The following RNF130 variants were observed in gnomAD, a reference collection of about 807,000 sequenced individuals.
RNF130 encodes the protein ring finger protein 130, also known as E3 ubiquitin-protein ligase RNF130.
A neutral mutation model predicts 44.6 loss-of-function variants in RNF130; 21 were observed. That is an observed-to-expected ratio of 0.47 (90% CI 0.33 to 0.68). The LOEUF (loss-of-function observed/expected upper bound fraction) is 0.68, where lower values mean the gene tolerates loss of function less well. RNF130 is among the 30% of genes least tolerant of loss of function. The pLI, the probability that RNF130 is intolerant of heterozygous loss-of-function variation, is 0.02. For synonymous variants in RNF130, 214 were observed against 210.4 expected, an observed-to-expected ratio of 1.02 and a Z score of -0.15; for missense variants, 479 against 560.6, an observed-to-expected ratio of 0.85 and a Z score of 1.47.
At chr5:180,055,759 C>T (rs541164531) in intron 1 of RNF130, among the ~76,000 whole-genome samples, 1 of 152,276 alleles carries the variant, frequency 6.6e-6, no homozygotes, top group South Asian at 2.1e-4. Flanking sequence ...ATACTTCTCT[C>T]TTTTTAGCTA....
chr5:179,922,924 A>T (rs934588032), intron 7 of RNF130, among the ~76,000 whole-genome samples: 16 of 152,200 alleles, frequency 1.1e-4, no homozygotes, highest in Non-Finnish European at 1.3e-4. Flanking sequence ...ACAGAAAAAA[A>T]AATAATAATA....
intron 3 of RNF130, among the ~76,000 whole-genome samples, chr5:180,006,196 C>T (rs1178155364): frequency 6.6e-6 from 1 of 151,996 alleles, no homozygotes; most frequent in African/African-American, 2.4e-5. Context: ...ACTCTGCCAT[C>T]TAAAATGACA....
At chr5:180,017,264 T>C (rs990529181) in intron 2 of RNF130, among the ~76,000 whole-genome samples, 1 of 152,222 alleles carries the variant, frequency 6.6e-6, no homozygotes, top group Non-Finnish European at 1.5e-5. Flanking sequence ...CACAAGGTGA[T>C]GGCGTGTCCC....
exon 8 of RNF130, chr5:179,918,421 G>A (rs186011096): frequency 4.3e-4 from 65 of 152,290 alleles, no homozygotes; most frequent in African/African-American, 1.4e-3. Context: ...CAGGATCTGC[G>A]TTTTGGTTTG....
chr5:180,046,790 C>T (rs1351653588), intron 1 of RNF130, among the ~76,000 whole-genome samples: 1 of 152,178 alleles, frequency 6.6e-6, no homozygotes, highest in African/African-American at 2.4e-5. Context: ...TTTCAAGTTG[C>T]CATGGCACCC....
At chr5:180,046,355 G>A (rs532896682) in intron 1 of RNF130, among the ~76,000 whole-genome samples, 4 of 152,260 alleles carry the variant, frequency 2.6e-5, no homozygotes, top group Middle Eastern at 3.4e-3. Flanking sequence ...AGGAGGCACC[G>A]AGAGCGAGCA....
intron 2 of RNF130, among the ~76,000 whole-genome samples, chr5:180,019,687 T>C (rs908224355): frequency 3.3e-5 from 5 of 152,224 alleles, no homozygotes; most frequent in African/African-American, 1.2e-4. Context: ...GAAATGAATA[T>C]AGCAATAATT....
chr5:180,062,641 G>A (rs2113184320), intron 1 of RNF130, among the ~76,000 whole-genome samples: 2 of 152,318 alleles, frequency 1.3e-5, no homozygotes, highest in Middle Eastern at 6.8e-3. Flanking sequence ...ACTTGAATCA[G>A]ACAAGGAAAG....
intron 2 of RNF130, among the ~76,000 whole-genome samples, chr5:180,020,329 G>C (rs899847790): frequency 6.6e-6 from 1 of 152,168 alleles, no homozygotes; most frequent in Non-Finnish European, 1.5e-5. Context: ...ACTACGGAGA[G>C]GAAGAACGCG....
At chr5:179,916,083 G>A (rs1323092471) in exon 8 of RNF130, 2 of 152,156 alleles carry the variant, frequency 1.3e-5, no homozygotes, top group Non-Finnish European at 2.9e-5. Context: ...TGACATTTAT[G>A]AGCAGCAACC....
chr5:180,019,420 G>A (rs1223068362), intron 2 of RNF130, among the ~76,000 whole-genome samples: 2 of 151,920 alleles, frequency 1.3e-5, no homozygotes, highest in Non-Finnish European at 2.9e-5. Context: ...AGTTCCAGAA[G>A]GACTGCTGCT....
intron 1 of RNF130, among the ~76,000 whole-genome samples, chr5:180,045,949 GC>G (rs1427807203): frequency 6.6e-6 from 1 of 152,198 alleles, no homozygotes; most frequent in Non-Finnish European, 1.5e-5. Flanking sequence ...CGTGCGGCAT[GC>G]CCACACTCCT....
intron 7 of RNF130, among the ~76,000 whole-genome samples, chr5:179,947,498 TGG>T (rs997461085): frequency 6.6e-6 from 1 of 152,200 alleles, no homozygotes; most frequent in African/African-American, 2.4e-5. Context: ...GCAAATAGAA[TGG>T]GGTTTGGAAC....
At chr5:180,017,007 A>C (rs965232087) in intron 2 of RNF130, among the ~76,000 whole-genome samples, 7 of 152,146 alleles carry the variant, frequency 4.6e-5, no homozygotes, top group Non-Finnish European at 1.0e-4. Context: ...TGATGACTTT[A>C]ATAGCTGTTT....
intron 7 of RNF130, chr5:179,939,840 A>G: frequency 2.7e-6 from 1 of 373,364 alleles, no homozygotes. Flanking sequence ...CCTCCCACCA[A>G]AAATTCCCTG....
chr5:179,941,298 C>T (rs1201918108), intron 7 of RNF130, among the ~76,000 whole-genome samples: 1 of 152,180 alleles, frequency 6.6e-6, no homozygotes, highest in East Asian at 1.9e-4. Flanking sequence ...TAGAGGACTT[C>T]CCATTGCCTC....
chr5:180,062,565 G>A (rs1158800903), intron 1 of RNF130, among the ~76,000 whole-genome samples: 1 of 152,210 alleles, frequency 6.6e-6, no homozygotes, highest in East Asian at 1.9e-4. Flanking sequence ...GCATTCTGAG[G>A]TTTAAGATAC....
chr5:180,009,209 A>C (rs1215585261), intron 3 of RNF130, among the ~76,000 whole-genome samples: 1 of 152,206 alleles, frequency 6.6e-6, no homozygotes, highest in Non-Finnish European at 1.5e-5. Context: ...AAGAATTTTT[A>C]GACTTGACAC....
chr5:180,005,433 AAAC>A (rs10645011), intron 3 of RNF130, among the ~76,000 whole-genome samples: 6 of 151,934 alleles, frequency 3.9e-5, no homozygotes, highest in East Asian at 1.9e-4. Context: ...TGTCTCAGAA[AAAC>A]AACAACAACA....
Sources: allele counts gnomAD v4.1 joint callset (sites outside exome capture counted in the v4.1 genomes callset), GRCh38; gene constraint gnomAD v4.1.1; transcripts MANE v1.5; gene names NCBI Gene and HGNC (gene_info 2026-07-23, HGNC 2026-07-21).